Variants in DUSP18 observed in about 807,000 individuals in gnomAD.
The protein encoded by DUSP18 is dual specificity phosphatase 18.
DUSP18 carries 4 observed loss-of-function variants against 6.3 expected under a neutral mutation model. That is an observed-to-expected ratio of 0.63 (90% CI 0.31 to 1.45). DUSP18 has a LOEUF of 1.45. Among genes scored for constraint, DUSP18 ranks in the 40% most tolerant of loss-of-function variants. DUSP18 has a pLI of 0.07. For synonymous variants in DUSP18, 96 were observed against 95.1 expected, an observed-to-expected ratio of 1.01 and a Z score of -0.05; for missense variants, 235 against 247.7, an observed-to-expected ratio of 0.95 and a Z score of 0.34.
At chr22:30,653,668 C>G (rs571844301) in intron 2 of DUSP18, among the ~76,000 whole-genome samples, 4 of 152,246 alleles carry the variant, frequency 2.6e-5, no homozygotes, top group Non-Finnish European at 5.9e-5. Context: ...GCCACCACGC[C>G]TGGCCGCCTC....
At chr22:30,658,160 A>G (rs1189527240), downstream of DUSP18, among the ~76,000 whole-genome samples, 1 of 151,398 alleles carries the variant, frequency 6.6e-6, no homozygotes, top group Non-Finnish European at 1.5e-5. Flanking sequence ...TTCTAGTTCT[A>G]AGTAAGATAG....
chr22:30,654,121 G>A (rs186638773), intron 2 of DUSP18: 84 of 223,238 alleles, frequency 3.8e-4, no homozygotes, highest in Middle Eastern at 1.8e-3. Context: ...CTGAGACTAC[G>A]GGCGCCCGCC....
chr22:30,664,108 G>C, intron 1 of DUSP18, 28 bp from the exon 2 acceptor site: 1 of 1,140,214 alleles, frequency 8.8e-7, no homozygotes, highest in Admixed American at 2.4e-5. Context: ...ATGTTTAGAG[G>C]GCAGGTGCCC....
At chr22:30,664,118 C>T in intron 1 of DUSP18, 38 bp from the exon 2 acceptor site, 1 of 981,116 alleles carries the variant, frequency 1.0e-6, no homozygotes, top group South Asian at 1.7e-5. Context: ...GGCAGGTGCC[C>T]AGAGGGCCAA....
In DUSP18 at chr22:30,663,198, C is replaced by T. The variant is rs1249559935; in HGVS notation, c.*239G>A. On this transcript the variant is annotated 3_prime_UTR_variant, in exon 2 of 2. Coordinates refer to ENST00000334679, the MANE Select transcript of DUSP18 (RefSeq NM_152511.5). ...CTGGGCACCATCTGCCTCAACCTAT[C>T]CCCTGGCCAGTGTCACTCACAGGGC... is the stretch of plus-strand genomic sequence containing the variant. 4 of 504,858 alleles carry T rather than the reference C, an allele frequency of 7.9e-6. No individual in the cohort carries two copies. Among genetic ancestry groups the T allele is most frequent in the African/African-American group, 1.9e-5 (1 of 52,060 alleles). The allele number at this position is 504,858 out of a possible 1,614,324, so 31.3% of individuals were successfully genotyped here. A position where few individuals can be genotyped will look rare whatever the true frequency, so the allele number is the denominator to read the frequency against.
intron 2 of DUSP18, among the ~76,000 whole-genome samples, chr22:30,655,134 G>A (rs993107712): frequency 1.3e-5 from 2 of 152,054 alleles, no homozygotes; most frequent in Non-Finnish European, 2.9e-5. Context: ...TGCAGGGTCT[G>A]GCCCAGGGTT....
chr22:30,667,027 A>G (rs2088697659), intron 1 of DUSP18: 1 of 152,224 alleles, frequency 6.6e-6, no homozygotes, highest in African/African-American at 2.4e-5. Flanking sequence ...AAAGATCTAA[A>G]GAACGTTTAG....
chr22:30,663,670 C>T lies in DUSP18; in HGVS notation c.334G>A (p.Ala112Thr). 1 of 1,614,220 alleles carries T rather than the reference C, an allele frequency of 6.2e-7. No homozygotes were observed. Among genetic ancestry groups the T allele is most frequent in the Non-Finnish European group, 8.5e-7 (1 of 1,180,032 alleles). ...LHCAAGVSRS[A>T]ALCLAYLMKY... ...ATGAGGTAGGCGAGGCACAGGGCAG[C>T]TGAGCGGCTCACACCAGCAGCACAG... is the stretch of plus-strand genomic sequence containing the variant. The change falls in exon 2 of 2, where the codon GCT (alanine) becomes ACT (threonine). Residue 112 changes from alanine (A) to threonine (T), a missense_variant. Ala to Thr is a moderately conservative substitution (Grantham distance 58). Transcript: ENST00000334679.
rs146808085 is a variant in DUSP18 at position 30,663,964 on chromosome 22, G to A, written c.40C>T (p.Gln14Ter). Residue 14 changes from glutamine (Q) to a stop codon, truncating the protein, a stop_gained, in exon 2 of 2, where the codon CAG (glutamine) becomes TAG (stop). Coordinates refer to ENST00000334679, the MANE Select transcript of DUSP18 (RefSeq NM_152511.5). LOFTEE classifies it high-confidence loss of function. Reference protein sequence around the residue: ...PSCAFPVQFRQPSVSGLSQIT... With the variant: ...PSCAFPVQFR ...TGCGAGAGGCCGCTGACTGAGGGCT[G>A]CCGGAACTGAACTGGGAAGGCACAC... 2.8e-5 allele frequency: 46 copies of A among 1,614,088 alleles called. No individual in the cohort carries two copies. Among genetic ancestry groups the A allele is most frequent in the African/African-American group, 4.0e-5 (3 of 74,946 alleles).
chr22:30,655,308 A>G (rs188018542), intron 2 of DUSP18, among the ~76,000 whole-genome samples: 3,274 of 148,146 alleles, frequency 0.022, 112 homozygotes, highest in African/African-American at 0.076. Context: ...AAAAAAAAAA[A>G]TAGCCAAGTA....
At chr22:30,654,957 T>G (rs2088304302) in intron 2 of DUSP18, 1 of 161,090 alleles carries the variant, frequency 6.2e-6, no homozygotes, top group African/African-American at 2.4e-5. Flanking sequence ...ATCCTCGTTG[T>G]CCATATGAGG....
At chr22:30,654,734 G>A (rs533729624) in intron 2 of DUSP18, 19 of 292,110 alleles carry the variant, frequency 6.5e-5, no homozygotes, top group Middle Eastern at 1.0e-3. Context: ...ACCACCTTCC[G>A]GCCTGCTTAG....
chr22:30,666,392 G>A (rs1020845322), intron 1 of DUSP18, among the ~76,000 whole-genome samples: 7 of 151,982 alleles, frequency 4.6e-5, no homozygotes, highest in East Asian at 1.9e-4. Context: ...AGGCCGAGGC[G>A]GGCAGATCAC....
chr22:30,655,940 T>C (rs1429753528), intron 2 of DUSP18, among the ~76,000 whole-genome samples: 1 of 151,768 alleles, frequency 6.6e-6, no homozygotes, highest in Non-Finnish European at 1.5e-5. Flanking sequence ...TAGGACTTTT[T>C]TTTTTCTTAT....
intron 1 of DUSP18, chr22:30,665,395 C>A (rs1350309718): frequency 2.7e-6 from 1 of 371,388 alleles, no homozygotes; most frequent in Non-Finnish European, 5.5e-6. Context: ...CTCAGGTGAA[C>A]CGAGCCACTT....
Position 30,661,871 on chromosome 22 carries a change from A to G in DUSP18, c.*1566T>C, listed in dbSNP as rs2088479661. 6.6e-6 allele frequency: 1 copy of G among 152,086 alleles called. No homozygotes were observed. The highest frequency in any genetic ancestry group is 6.6e-5 in the Admixed American group (1 of 15,260). The allele number at this position is 152,086 out of a possible 1,614,324, so 9.4% of individuals were successfully genotyped here. On this transcript the variant is annotated 3_prime_UTR_variant, in exon 2 of 2. Transcript: ENST00000334679. ...GTGCAGGTTTTCATAGTGATTCTAAACAAGGCTGCAGTCACTGTTTAGAAG... is the reference window on the plus strand; with the variant it reads ...GTGCAGGTTTTCATAGTGATTCTAAGCAAGGCTGCAGTCACTGTTTAGAAG...
chr22:30,659,665 T>C (rs1393055296), downstream of DUSP18, among the ~76,000 whole-genome samples: 1 of 152,174 alleles, frequency 6.6e-6, no homozygotes, highest in African/African-American at 2.4e-5. Flanking sequence ...ATAAGAATTT[T>C]AGAACTAAGA....
intron 1 of DUSP18, chr22:30,666,987 G>A (rs774867151): frequency 1.3e-5 from 2 of 152,166 alleles, no homozygotes; most frequent in Non-Finnish European, 2.9e-5. Context: ...GGAGCCTAGG[G>A]AGTCGCAAAG....
intron 2 of DUSP18, among the ~76,000 whole-genome samples, chr22:30,653,024 C>T (rs1260526593): frequency 6.6e-6 from 1 of 152,198 alleles, no homozygotes; most frequent in East Asian, 1.9e-4. Flanking sequence ...AGGAATTAGC[C>T]TGGGAGTATT....
Sources: gnomAD v4.1 joint callset for allele counts (sites outside exome capture counted in the v4.1 genomes callset) on GRCh38, gnomAD v4.1.1 for gene constraint, MANE v1.5 for transcripts, NCBI Gene and HGNC (gene_info 2026-07-23, HGNC 2026-07-21) for gene names.